TENM4: variants seen among roughly 807,000 people sequenced by gnomAD.
The protein encoded by TENM4 is teneurin-4.
Under a neutral mutation model 243.3 loss-of-function variants are expected in TENM4, and 82 were observed. That is an observed-to-expected ratio of 0.34 (90% CI 0.28 to 0.40). The LOEUF (loss-of-function observed/expected upper bound fraction) is 0.40. TENM4 is among the 10% of genes least tolerant of loss of function. The probability of loss-of-function intolerance (pLI) is 1.00; values close to 1 mark genes in which losing one functional copy is unlikely to be tolerated. For synonymous variants in TENM4, 1,412 were observed against 1,456.3 expected (o/e 0.97, Z 0.69); for missense variants, 3,138 against 3,673.3 (o/e 0.85, Z 3.77).
At chr11:78,775,998 T>C (rs1856732496) in intron 17 of TENM4, among the ~76,000 whole-genome samples, 1 of 152,226 alleles carries the variant, frequency 6.6e-6, no homozygotes, top group African/African-American at 2.4e-5. Flanking sequence ...AATACACTTA[T>C]CATATATCAA....
chr11:78,988,532 A>C (rs1857970489), intron 6 of TENM4, among the ~76,000 whole-genome samples: 1 of 152,226 alleles, frequency 6.6e-6, no homozygotes. Flanking sequence ...ATGAGCTTAT[A>C]TCTTAAAGAA....
In TENM4 at chr11:79,257,096, C is replaced by A. The variant is rs575983381; in HGVS notation, c.-265+40392G>T. Among the ~76,000 whole-genome samples, 578 of 152,092 alleles carry A rather than the reference C, an allele frequency of 3.8e-3. 3 individuals carry two copies. The highest frequency in any genetic ancestry group is 0.013 in the African/African-American group (549 of 41,478). Reference sequence around the variant, plus strand: ...GGAGCATTCCAGGCAGAAGAGGTGGCCTGAGCACAGGATGCATGCAGGTGG... The same window carrying A: ...GGAGCATTCCAGGCAGAAGAGGTGGACTGAGCACAGGATGCATGCAGGTGG... On this transcript the variant is annotated intron_variant, in intron 2 of 33. Transcript: ENST00000278550.
At chr11:79,154,530 C>A (rs190769076) in intron 3 of TENM4, among the ~76,000 whole-genome samples, 95 of 152,264 alleles carry the variant, frequency 6.2e-4, no homozygotes, top group African/African-American at 2.2e-3. Context: ...TACATGTCTA[C>A]TTTGTCCCCT....
chr11:79,179,149 A>G (rs73506699), intron 3 of TENM4, among the ~76,000 whole-genome samples: 10,035 of 152,268 alleles, frequency 0.066, 1,110 homozygotes, highest in African/African-American at 0.23. Context: ...GGAAGAAGCT[A>G]TCATATGCAT....
Position 79,434,861 on chromosome 11 carries a change from C to T in TENM4, c.-321+5648G>A, listed in dbSNP as rs11237835. Among the ~76,000 whole-genome samples the T allele has an allele frequency of 7.9e-4, 120 of 152,064 alleles. 1 individual carries two copies. In the East Asian group the frequency reaches 0.022, roughly 28 times the overall value. ...TCTAGGAATTCATCTTAAGGAAATACTAAAACTACACAGTATGTACAAGGA... is the reference window on the plus strand; with the variant it reads ...TCTAGGAATTCATCTTAAGGAAATATTAAAACTACACAGTATGTACAAGGA... On this transcript the variant is annotated intron_variant, in intron 1 of 33. Coordinates refer to ENST00000278550, the MANE Select transcript of TENM4 (RefSeq NM_001098816.3).
intron 6 of TENM4, among the ~76,000 whole-genome samples, chr11:78,972,285 G>C (rs1196935603): frequency 1.3e-5 from 2 of 152,038 alleles, no homozygotes; most frequent in Admixed American, 6.5e-5. Flanking sequence ...TTACTCCCCT[G>C]GTCCGGCAGC....
intron 28 of TENM4, among the ~76,000 whole-genome samples, chr11:78,694,127 G>A (rs914710598): frequency 6.6e-6 from 1 of 152,128 alleles, no homozygotes; most frequent in Admixed American, 6.5e-5. Context: ...ACTTCATCTC[G>A]AGCCACTTAC....
At position 79,164,065 on chromosome 11, in the gene TENM4, G is replaced by GTATATATACACTATATATACTA. The variant is rs1491575320; in HGVS notation, c.-162-15260_-162-15259insTAGTATATATAGTGTATATATA. Reference sequence around the variant, plus strand: ...ACACTATAAATACTATGTATATATAGTGTATATATACACTATATATACTAT... The same window carrying GTATATATACACTATATATACTA: ...ACACTATAAATACTATGTATATATAGTATATATACACTATATATACTATGTATATATACACTATATATACTAT... On this transcript the variant is annotated intron_variant, in intron 3 of 33. Coordinates refer to ENST00000278550, the MANE Select transcript of TENM4 (RefSeq NM_001098816.3). Among the ~76,000 whole-genome samples, 17 of 14,890 alleles carry GTATATATACACTATATATACTA rather than the reference G, an allele frequency of 1.1e-3. No homozygotes were observed. The South Asian group carries it at 0.015, about 13-fold the overall frequency. 9.8% of individuals were successfully genotyped at this position (14,890 alleles called of 152,430 possible).
At chr11:78,720,503 G>A (rs1410774879) in intron 24 of TENM4, 113 bp from the exon 25 acceptor site, 6 of 1,041,656 alleles carry the variant, frequency 5.8e-6, no homozygotes, top group Admixed American at 1.8e-5. Flanking sequence ...ATACAATACT[G>A]TAATAAATAA....
chr11:79,092,773 A>G (rs1334934612), intron 4 of TENM4: 1 of 152,246 alleles, frequency 6.6e-6, no homozygotes, highest in Non-Finnish European at 1.5e-5. Flanking sequence ...GAATACAAAG[A>G]TAAATGGCTT....
chr11:78,919,784 C>T (rs1373506572), intron 6 of TENM4, among the ~76,000 whole-genome samples: 12 of 152,050 alleles, frequency 7.9e-5, no homozygotes, highest in Non-Finnish European at 1.5e-4. Context: ...AGTTGGGTTT[C>T]CATCCTTACA....
rs1482691162 is a variant in TENM4, at chr11:78,688,185, G to A, written c.5129C>T (p.Thr1710Ile). The A allele has an allele frequency of 6.2e-7, 1 of 1,613,738 alleles. No individual in the cohort carries two copies. Among genetic ancestry groups the A allele is most frequent in the Admixed American group, 1.7e-5 (1 of 59,994 alleles). The change falls in exon 29 of 34, where the codon ACT becomes ATT. Residue 1710 changes from threonine (T) to isoleucine (I), a missense_variant. By Grantham distance (89) the Thr-to-Ile change is moderately conservative (BLOSUM62 -1). Coordinates refer to ENST00000278550, the MANE Select transcript of TENM4 (RefSeq NM_001098816.3). Reference sequence around the variant, plus strand: ...ACTTCGGAAACTGCTCACCTGGCCAGTAGGGAAGGTCACATTTGTCAGGCG... The same window carrying A: ...ACTTCGGAAACTGCTCACCTGGCCAATAGGGAAGGTCACATTTGTCAGGCG... The part of the protein sequence containing the change: ...FGRLTNVTFP[T>I]GQVSSFRSDT...
intron 3 of TENM4, among the ~76,000 whole-genome samples, chr11:79,213,678 C>A (rs1438350355): frequency 1.3e-5 from 2 of 152,140 alleles, no homozygotes; most frequent in African/African-American, 4.8e-5. Context: ...AGAGAAAGCC[C>A]CCGGTGAGAG....
intron 7 of TENM4, among the ~76,000 whole-genome samples, chr11:78,902,451 T>C (rs1303112742): frequency 6.6e-6 from 1 of 152,078 alleles, no homozygotes; most frequent in Non-Finnish European, 1.5e-5. Flanking sequence ...GGCAGAGGGA[T>C]CCCGGCCAGC....
intron 3 of TENM4, among the ~76,000 whole-genome samples, chr11:79,172,992 G>A (rs888744672): frequency 2.0e-5 from 3 of 152,130 alleles, no homozygotes; most frequent in Non-Finnish European, 2.9e-5. Flanking sequence ...TATTCAAGAA[G>A]CAATCAGAGT....
At chr11:79,352,627 G>C (rs542947165) in intron 1 of TENM4, among the ~76,000 whole-genome samples, 5 of 152,332 alleles carry the variant, frequency 3.3e-5, no homozygotes, top group African/African-American at 1.2e-4. Context: ...AGACAGGCCT[G>C]GGCAGGCGAG....
chr11:78,674,919 G>A (rs1162616253), intron 30 of TENM4, among the ~76,000 whole-genome samples: 1 of 151,846 alleles, frequency 6.6e-6, no homozygotes, highest in Non-Finnish European at 1.5e-5. Context: ...AGGCTGGAGT[G>A]CAGCGGCGCG....
chr11:79,299,745 G>C (rs1484526130), intron 1 of TENM4, among the ~76,000 whole-genome samples: 2 of 152,220 alleles, frequency 1.3e-5, no homozygotes, highest in Non-Finnish European at 2.9e-5. Context: ...CCGGTCAGGG[G>C]AAGTGGAAGA....
intron 2 of TENM4, among the ~76,000 whole-genome samples, chr11:79,266,116 C>T (rs572477885): frequency 2.6e-5 from 4 of 152,294 alleles, no homozygotes; most frequent in African/African-American, 7.2e-5. Context: ...ATCCTTTGAC[C>T]AGCTGGCCTA....
Sources: gnomAD v4.1 joint callset for allele counts (sites outside exome capture counted in the v4.1 genomes callset) on GRCh38, gnomAD v4.1.1 for gene constraint, MANE v1.5 for transcripts, NCBI Gene and HGNC (gene_info 2026-07-23, HGNC 2026-07-21) for gene names.